MCUB: variants seen among roughly 807,000 people sequenced by gnomAD.
The protein encoded by MCUB is mitochondrial calcium uniporter dominant negative subunit beta.
A neutral mutation model predicts 41.4 loss-of-function variants in MCUB; 46 were observed. That is an observed-to-expected ratio of 1.11 (90% CI 0.88 to 1.42). MCUB has a LOEUF of 1.42. Among genes scored for constraint, MCUB ranks in the 40% most tolerant of loss-of-function variants. MCUB has a pLI of 0.00. For synonymous variants in MCUB, 148 were observed against 148.2 expected (o/e 1.00, Z 0.01); for missense variants, 403 against 404.9 (o/e 1.00, Z 0.04).
chr4:109,678,897 G>A (rs553448042), intron 4 of MCUB, among the ~76,000 whole-genome samples: 17 of 148,140 alleles, frequency 1.1e-4, no homozygotes, highest in African/African-American at 3.8e-4. Flanking sequence ...CTTCCCAGAC[G>A]GGGTGGCGGC....
intron 1 of MCUB, among the ~76,000 whole-genome samples, chr4:109,600,740 G>A (rs1727711521): frequency 6.6e-6 from 1 of 152,034 alleles, no homozygotes; most frequent in Non-Finnish European, 1.5e-5. Context: ...GAATTGAGAG[G>A]CCTCCAGCTC....
chr4:109,659,556 G>A (rs1408334141), intron 2 of MCUB, among the ~76,000 whole-genome samples: 1 of 152,054 alleles, frequency 6.6e-6, no homozygotes, highest in Non-Finnish European at 1.5e-5. Flanking sequence ...TGCCACTCCA[G>A]TTTGGGCAAC....
At chr4:109,673,836 A>G in intron 4 of MCUB, 2 of 736,296 alleles carry the variant, frequency 2.7e-6, no homozygotes, top group Admixed American at 1.9e-5. Context: ...TTCTTCAAGC[A>G]ATCACTATGT....
intron 1 of MCUB, among the ~76,000 whole-genome samples, chr4:109,585,040 A>T (rs1297461958): frequency 6.6e-6 from 1 of 152,082 alleles, no homozygotes; most frequent in African/African-American, 2.4e-5. Flanking sequence ...TAATATTGGC[A>T]GTTGGGTGTT....
At chr4:109,627,711 G>A (rs1183691108) in intron 1 of MCUB, among the ~76,000 whole-genome samples, 1 of 152,102 alleles carries the variant, frequency 6.6e-6, no homozygotes, top group South Asian at 2.1e-4. Context: ...TCAGGAATTC[G>A]AGACCAGCCT....
intron 7 of MCUB, among the ~76,000 whole-genome samples, 172 bp downstream of exon 7, chr4:109,685,539 G>GT (rs1029597740): frequency 6.6e-6 from 1 of 152,144 alleles, no homozygotes; most frequent in Non-Finnish European, 1.5e-5. Context: ...TCATATCCCA[G>GT]TTTTACTCTT....
At chr4:109,590,738 G>T (rs1178687180) in intron 1 of MCUB, among the ~76,000 whole-genome samples, 1 of 152,138 alleles carries the variant, frequency 6.6e-6, no homozygotes, top group African/African-American at 2.4e-5. Context: ...TGAGGATTTA[G>T]CTCTTTTCAC....
intron 4 of MCUB, chr4:109,673,915 A>G: frequency 1.3e-6 from 1 of 778,552 alleles, no homozygotes; most frequent in South Asian, 1.3e-5. Flanking sequence ...TCGAAAAGCT[A>G]AAGAGGCACC....
chr4:109,597,744 A>C (rs1727608257), intron 1 of MCUB, among the ~76,000 whole-genome samples: 1 of 135,104 alleles, frequency 7.4e-6, no homozygotes, highest in African/African-American at 3.3e-5. Flanking sequence ...TGACCCCCCC[A>C]CCTCCCTCCC....
chr4:109,645,929 A>T (rs1465061526), intron 1 of MCUB, among the ~76,000 whole-genome samples: 1 of 151,908 alleles, frequency 6.6e-6, no homozygotes, highest in Non-Finnish European at 1.5e-5. Flanking sequence ...CTCTCTCACT[A>T]CCTCTCACGC....
intron 1 of MCUB, among the ~76,000 whole-genome samples, chr4:109,571,459 C>T (rs1013959260): frequency 3.3e-5 from 5 of 152,110 alleles, no homozygotes; most frequent in African/African-American, 1.2e-4. Flanking sequence ...ACTATAGGCA[C>T]ACGCCATCCT....
intron 1 of MCUB, among the ~76,000 whole-genome samples, chr4:109,656,660 C>T (rs542792926): frequency 6.6e-6 from 1 of 152,222 alleles, no homozygotes; most frequent in Non-Finnish European, 1.5e-5. Flanking sequence ...CAGGAGCCAT[C>T]ACGCCTGGCC....
rs888912790 is a variant in MCUB at position 109,560,288 on chromosome 4, G to T, written c.-50G>T. ...GGCGCTGACGAGGAGCCCGGCTGAG[G>T]GAGGATGCGCCGCTGACGCCTGCGG... On this transcript the variant is annotated 5_prime_UTR_variant, in exon 1 of 8. Coordinates refer to ENST00000394650, the MANE Select transcript of MCUB (RefSeq NM_017918.5). 1 of 954,936 alleles carries T rather than the reference G, an allele frequency of 1.0e-6. No homozygotes were observed. Among genetic ancestry groups the T allele is most frequent in the Admixed American group, 4.3e-5 (1 of 23,002 alleles). The allele number at this position is 954,936 out of a possible 1,614,324, so 59.2% of individuals were successfully genotyped here.
chr4:109,683,844 T>A (rs1729771528), intron 5 of MCUB, among the ~76,000 whole-genome samples: 1 of 152,162 alleles, frequency 6.6e-6, no homozygotes, highest in African/African-American at 2.4e-5. Flanking sequence ...GCCTCTAATT[T>A]TAGTTGGGTT....
chr4:109,686,249 T>G (rs1284422053), intron 7 of MCUB, among the ~76,000 whole-genome samples: 2 of 152,144 alleles, frequency 1.3e-5, no homozygotes, highest in African/African-American at 4.8e-5. Flanking sequence ...GTGATTCTTG[T>G]GCCTCAGCCT....
At chr4:109,621,443 C>A (rs993531912) in intron 1 of MCUB, among the ~76,000 whole-genome samples, 1 of 151,870 alleles carries the variant, frequency 6.6e-6, no homozygotes, top group Non-Finnish European at 1.5e-5. Context: ...CTTTACCCTG[C>A]ATATTTGAGG....
chr4:109,605,081 C>T (rs926887572), intron 1 of MCUB, among the ~76,000 whole-genome samples: 2 of 151,968 alleles, frequency 1.3e-5, no homozygotes, highest in Admixed American at 6.6e-5. Flanking sequence ...TTCACAAGTT[C>T]GAGTAGGATT....
chr4:109,594,163 C>G (rs79879816), intron 1 of MCUB, among the ~76,000 whole-genome samples: 4 of 152,184 alleles, frequency 2.6e-5, no homozygotes, highest in Admixed American at 6.5e-5. Context: ...TCAGCAGATC[C>G]TTGAGAATTT....
At chr4:109,580,891 T>C (rs1727156295) in intron 1 of MCUB, among the ~76,000 whole-genome samples, 1 of 152,150 alleles carries the variant, frequency 6.6e-6, no homozygotes, top group South Asian at 2.1e-4. Flanking sequence ...TTAGATCCCA[T>C]TTGTCCGAAC....
Sources: gnomAD v4.1 joint callset for allele counts (sites outside exome capture counted in the v4.1 genomes callset) on GRCh38, gnomAD v4.1.1 for gene constraint, MANE v1.5 for transcripts, NCBI Gene and HGNC (gene_info 2026-07-23, HGNC 2026-07-21) for gene names.